The following KIF9 variants were observed in gnomAD, a reference collection of about 807,000 sequenced individuals.
KIF9 encodes the protein kinesin-like protein KIF9.
In KIF9, 68 loss-of-function variants were observed where a neutral mutation model predicts 94.8. The observed-to-expected ratio is 0.72, with a 90% CI of 0.59 to 0.88. KIF9 has a LOEUF of 0.88. Among genes scored for constraint, KIF9 ranks in the 40% least tolerant of loss-of-function variants. The pLI, the probability that KIF9 is intolerant of heterozygous loss-of-function variation, is 0.00. For synonymous variants in KIF9, 343 were observed against 362.1 expected (o/e 0.95, Z 0.60); for missense variants, 882 against 982.5 (o/e 0.90, Z 1.37).
At chr3:47,281,637 G>A (rs554717276) in intron 1 of KIF9, among the ~76,000 whole-genome samples, 1 of 152,228 alleles carries the variant, frequency 6.6e-6, no homozygotes, top group East Asian at 1.9e-4. Context: ...CGTGAGCCAC[G>A]GCGCCCGGCC....
At chr3:47,236,872 G>A (rs1699064397) in intron 17 of KIF9, among the ~76,000 whole-genome samples, 2 of 152,236 alleles carry the variant, frequency 1.3e-5, no homozygotes, top group African/African-American at 4.8e-5. Flanking sequence ...GAGGGCAGGG[G>A]AAGGTACAGA....
At chr3:47,230,150 C>T (rs1423874226) in intron 20 of KIF9, among the ~76,000 whole-genome samples, 5 of 152,110 alleles carry the variant, frequency 3.3e-5, no homozygotes, top group East Asian at 1.9e-4. Flanking sequence ...CAGGGGCTCA[C>T]GCCCATGATC....
At chr3:47,278,886 C>T (rs750425938) in intron 1 of KIF9, among the ~76,000 whole-genome samples, 5 of 151,992 alleles carry the variant, frequency 3.3e-5, no homozygotes, top group African/African-American at 4.8e-5. Flanking sequence ...GCAGGAGAAT[C>T]GCTTGAATCT....
At chr3:47,256,957 G>A (rs1700655648) in intron 10 of KIF9, among the ~76,000 whole-genome samples, 1 of 152,058 alleles carries the variant, frequency 6.6e-6, no homozygotes, top group Non-Finnish European at 1.5e-5. Flanking sequence ...TGCTCTTTAA[G>A]AGTCATCACC....
intron 10 of KIF9, chr3:47,250,560 CA>C: frequency 2.0e-6 from 1 of 491,588 alleles, no homozygotes; most frequent in Non-Finnish European, 4.1e-6. Context: ...TAACAAGGTT[CA>C]AGGGTGGCAC....
At chr3:47,262,034 C>G (rs1196576536) in intron 9 of KIF9, among the ~76,000 whole-genome samples, 1 of 152,218 alleles carries the variant, frequency 6.6e-6, no homozygotes, top group African/African-American at 2.4e-5. Context: ...TGAGACCCCT[C>G]CAACAGCTCC....
chr3:47,256,773 A>C (rs566977521), intron 10 of KIF9, among the ~76,000 whole-genome samples: 1 of 152,294 alleles, frequency 6.6e-6, no homozygotes, highest in Admixed American at 6.5e-5. Flanking sequence ...TAGACATGGG[A>C]GACCTTTCAT....
At chr3:47,237,489 C>T (rs1390824055) in intron 17 of KIF9, among the ~76,000 whole-genome samples, 1 of 152,230 alleles carries the variant, frequency 6.6e-6, no homozygotes, top group Non-Finnish European at 1.5e-5. Flanking sequence ...CTATTAGTCT[C>T]TTTGCATGGA....
At position 47,236,048 on chromosome 3, in the gene KIF9, T is replaced by C; in HGVS notation, c.2203A>G (p.Arg735Gly). ...GTGCCGCTCACCAGAGACACAATCCTGTTCACAGGGACCATGCCTGGCCGG... is the reference window on the plus strand; with the variant it reads ...GTGCCGCTCACCAGAGACACAATCCCGTTCACAGGGACCATGCCTGGCCGG... ...SIRPGMVPVNRIVSLGEDDQD... is the reference protein window; with the variant it reads ...SIRPGMVPVNGIVSLGEDDQD... The change falls in exon 19 of 21, where the codon AGG becomes GGG. Residue 735 changes from arginine to glycine, a missense_variant. Transcript: ENST00000684063. 1 of 1,613,720 alleles carries C rather than the reference T, an allele frequency of 6.2e-7. No homozygotes were observed.
At chr3:47,240,735 G>T in intron 17 of KIF9, 66 bp downstream of exon 17, 2 of 1,388,616 alleles carry the variant, frequency 1.4e-6, no homozygotes, top group South Asian at 1.2e-5. Flanking sequence ...GCCAAGGGCT[G>T]TTCTGCTTCA....
chr3:47,255,568 G>A (rs1210574415), intron 10 of KIF9, among the ~76,000 whole-genome samples: 1 of 152,114 alleles, frequency 6.6e-6, no homozygotes, highest in Non-Finnish European at 1.5e-5. Flanking sequence ...GCTTAGAGCA[G>A]CAGTTCTCAA....
intron 20 of KIF9, among the ~76,000 whole-genome samples, chr3:47,229,892 C>T (rs1046328351): frequency 1.3e-5 from 2 of 152,020 alleles, no homozygotes; most frequent in Non-Finnish European, 2.9e-5. Context: ...CACCACCATC[C>T]CCGGCTAGTT....
chr3:47,243,433 A>G, intron 15 of KIF9, 188 bp from the exon 16 acceptor site: 1 of 448,500 alleles, frequency 2.2e-6, no homozygotes, highest in Non-Finnish European at 3.9e-6. Flanking sequence ...GAGGAAGAAG[A>G]GGGCATTTTT....
At chr3:47,237,119 G>A (rs1041103739) in intron 17 of KIF9, among the ~76,000 whole-genome samples, 21 of 152,082 alleles carry the variant, frequency 1.4e-4, no homozygotes, top group African/African-American at 5.1e-4. Flanking sequence ...TTTTGAGATG[G>A]AGTCTCGCCT....
At chr3:47,246,846 A>G (rs1042381498) in intron 12 of KIF9, among the ~76,000 whole-genome samples, 1 of 152,190 alleles carries the variant, frequency 6.6e-6, no homozygotes, top group African/African-American at 2.4e-5. Flanking sequence ...GGGTCTGCCC[A>G]TGTCTCCAAG....
chr3:47,259,984 GAGGA>G lies in KIF9; in HGVS notation c.982-2428_982-2425del, dbSNP rs1249480133. ...TCTGTGCTGAGGAGGATTAGTAAAA[GAGGA>G]AGGAATGCCTCTTGCAGTTGAGACA... On this transcript the variant is annotated intron_variant, in intron 9 of 20. Coordinates refer to ENST00000684063, the MANE Select transcript of KIF9 (RefSeq NM_182902.4). 8.6e-3 allele frequency among the ~76,000 whole-genome samples: 379 copies of G among 44,192 alleles called. 6 individuals carry two copies. The highest frequency in any genetic ancestry group is 0.035 in the African/African-American group (342 of 9,750). The allele number at this position is 44,192 out of a possible 152,430, so 29.0% of individuals were successfully genotyped here. A position where few individuals can be genotyped will look rare whatever the true frequency, so the allele number is the denominator to read the frequency against.
At position 47,273,543 on chromosome 3, in the gene KIF9, A is replaced by T. The variant is rs1559467673; in HGVS notation, c.366+9T>A. ...TGTGTGGCATCCCACCCTTGGGCCC[A>T]CTCTCTACCTGCTGCAGGGCACGAG... On this transcript the variant is annotated intron_variant, in intron 4 of 20. Transcript: ENST00000684063. 6.3e-7 allele frequency: 1 copy of T among 1,584,992 alleles called. No homozygotes were observed. Among genetic ancestry groups the T allele is most frequent in the South Asian group, 1.2e-5 (1 of 86,292 alleles).
At chr3:47,250,804 A>T (rs1326262283) in intron 10 of KIF9, among the ~76,000 whole-genome samples, 2 of 152,200 alleles carry the variant, frequency 1.3e-5, no homozygotes, top group Non-Finnish European at 2.9e-5. Flanking sequence ...TGACACCTGG[A>T]TCCTGGGACT....
chr3:47,273,543 ACTCT>A lies in KIF9; in HGVS notation c.366+5_366+8del. On this transcript the variant is annotated splice_donor_5th_base_variant and intron_variant, in intron 4 of 20. Coordinates refer to ENST00000684063, the MANE Select transcript of KIF9 (RefSeq NM_182902.4). ...TGTGTGGCATCCCACCCTTGGGCCC[ACTCT>A]CTACCTGCTGCAGGGCACGAGGGAG... 6.3e-7 allele frequency: 1 copy of A among 1,584,992 alleles called. No individual in the cohort carries two copies. The highest frequency in any genetic ancestry group is 8.6e-7 in the Non-Finnish European group (1 of 1,163,480).
Sources: gnomAD v4.1 joint callset for allele counts (sites outside exome capture counted in the v4.1 genomes callset) on GRCh38, gnomAD v4.1.1 for gene constraint, MANE v1.5 for transcripts, NCBI Gene and HGNC (gene_info 2026-07-23, HGNC 2026-07-21) for gene names.